The following DMD variants were observed in gnomAD, a reference collection of about 807,000 sequenced individuals.
The protein encoded by DMD is dystrophin, also known as mutant dystrophin.
DMD carries 63 observed loss-of-function variants against 330.1 expected under a neutral mutation model. The observed-to-expected ratio is 0.19, with a 90% CI of 0.16 to 0.24. The LOEUF is 0.24. DMD is among the 10% of genes least tolerant of loss of function. DMD has a pLI of 1.00. For missense variants in DMD, 3,344 were observed against 2,684.1 expected, an observed-to-expected ratio of 1.25 and a Z score of -5.43; for synonymous variants, 1,223 against 959.8, an observed-to-expected ratio of 1.27 and a Z score of -5.07.
chrX:32,844,296 C>G (rs1483729100), intron 4 of DMD, among the ~76,000 whole-genome samples: 1 of 108,758 alleles, frequency 9.2e-6, no homozygotes, highest in Admixed American at 9.9e-5. Flanking sequence ...ATCCCAGCTA[C>G]TCGGGAGGCT....
chrX:31,887,236 C>A (rs2094167749), intron 47 of DMD, among the ~76,000 whole-genome samples: 1 of 112,164 alleles, frequency 8.9e-6, no homozygotes, highest in African/African-American at 3.2e-5. Context: ...TAGGTACTGA[C>A]TGGAGCTTAC....
In DMD at chrX:33,009,604, ATATACACATATGTGTGTATGTGTG is replaced by A. The variant is rs1405855139; in HGVS notation, c.93+10511_93+10534del. On this transcript the variant is annotated intron_variant, in intron 2 of 78. Transcript: ENST00000357033. The stretch of plus-strand genomic sequence containing the variant: ...CATATGTGTGTATGTGTGTATGTGT[ATATACACATATGTGTGTATGTGTG>A]TATGTGTATATACACATATGTGTGT... Among the ~76,000 whole-genome samples, 247 of 61,769 alleles carry A rather than the reference ATATACACATATGTGTGTATGTGTG, an allele frequency of 4.0e-3. 52 individuals are homozygous for A. Among genetic ancestry groups the A allele is most frequent in the African/African-American group, 0.013 (221 of 16,622 alleles). 53.6% of individuals were successfully genotyped at this position (61,769 alleles called of 115,157 possible). A position where few individuals can be genotyped will look rare whatever the true frequency, so the allele number is the denominator to read the frequency against.
chrX:32,828,720 C>A (rs2078941155), intron 4 of DMD, among the ~76,000 whole-genome samples: 1 of 110,178 alleles, frequency 9.1e-6, no homozygotes, highest in African/African-American at 3.3e-5. Flanking sequence ...ACCTGCCTTC[C>A]TAGAAACAAT....
chrX:32,110,335 G>A (rs1371261409), intron 44 of DMD, among the ~76,000 whole-genome samples: 6 of 111,598 alleles, frequency 5.4e-5, no homozygotes, highest in Non-Finnish European at 1.1e-4. Context: ...GCAAGTTGGA[G>A]CTAAGGCTGA....
At chrX:32,583,795 C>T (rs1601884446) in intron 13 of DMD, 1 of 112,354 alleles carries the variant, frequency 8.9e-6, no homozygotes, top group East Asian at 2.9e-4. Flanking sequence ...GACATTCATC[C>T]CTTCCTCATA....
intron 52 of DMD, among the ~76,000 whole-genome samples, chrX:31,719,077 C>G (rs1369394528): frequency 8.9e-6 from 1 of 111,875 alleles, no homozygotes; most frequent in Non-Finnish European, 1.9e-5. Context: ...AAAGGTAGAA[C>G]CTGTCAAACG....
chrX:31,829,780 T>G (rs1256460804), intron 49 of DMD, among the ~76,000 whole-genome samples: 3 of 112,174 alleles, frequency 2.7e-5, no homozygotes, highest in Non-Finnish European at 3.8e-5. Flanking sequence ...ATCTACTGAA[T>G]AAATAAAGGA....
chrX:32,872,991 C>A (rs1444338883), intron 2 of DMD, among the ~76,000 whole-genome samples: 1 of 111,859 alleles, frequency 8.9e-6, no homozygotes, highest in Non-Finnish European at 1.9e-5. Context: ...GTGGCTACCA[C>A]CTCACCATCA....
At chrX:32,603,246 A>C (rs375113243) in intron 12 of DMD, among the ~76,000 whole-genome samples, 1 of 111,626 alleles carries the variant, frequency 9.0e-6, no homozygotes, top group South Asian at 3.7e-4. Context: ...ATGGAAATTA[A>C]ACAACCTGCT....
intron 2 of DMD, among the ~76,000 whole-genome samples, chrX:32,864,053 G>A (rs61157801): frequency 0.011 from 1,273 of 112,540 alleles, 21 homozygotes; most frequent in African/African-American, 0.039. Flanking sequence ...TCACTGCTAT[G>A]CTTTATTTCC....
chrX:33,117,950 C>A (rs867268880), intron 1 of DMD, among the ~76,000 whole-genome samples: 1 of 111,117 alleles, frequency 9.0e-6, no homozygotes, highest in Middle Eastern at 4.7e-3. Context: ...CATTAGAGAT[C>A]TGACTAGTCT....
In DMD at chrX:31,894,584, T is replaced by C. The variant is rs759191443; in HGVS notation, c.6913-19211A>G. On this transcript the variant is annotated intron_variant, in intron 47 of 78. Coordinates refer to ENST00000357033, the MANE Select transcript of DMD (RefSeq NM_004006.3). ...GGGGCATCTTTATAATATTTGTCAA[T>C]GAAAGGGAAAGGAACATTCCTTTGA... 3.7e-4 allele frequency among the ~76,000 whole-genome samples: 41 copies of C among 111,980 alleles called. No individual in the cohort carries two copies. In the South Asian group the frequency reaches 0.013, roughly 34 times the overall value.
At chrX:33,061,029 T>C (rs944783212) in intron 1 of DMD, among the ~76,000 whole-genome samples, 18 of 111,892 alleles carry the variant, frequency 1.6e-4, no homozygotes, top group African/African-American at 5.8e-4. Context: ...TAACAATTTG[T>C]TTTTCATTCA....
At chrX:31,259,774 G>A (rs183649051) in intron 63 of DMD, among the ~76,000 whole-genome samples, 2 of 110,926 alleles carry the variant, frequency 1.8e-5, no homozygotes, top group East Asian at 2.8e-4. Context: ...CTCTATAGCT[G>A]CAATTCATTT....
At chrX:32,994,250 G>A (rs766363108) in intron 2 of DMD, among the ~76,000 whole-genome samples, 3 of 108,133 alleles carry the variant, frequency 2.8e-5, no homozygotes, top group African/African-American at 1.0e-4. Flanking sequence ...GCTGTTTCCC[G>A]AAATGCCAAG....
chrX:31,985,682 A>T (rs1172774266), intron 44 of DMD, among the ~76,000 whole-genome samples: 1 of 112,675 alleles, frequency 8.9e-6, no homozygotes, highest in Non-Finnish European at 1.9e-5. Flanking sequence ...TCCTGACCTT[A>T]GGCATTTCAT....
In DMD at chrX:32,809,396, T is replaced by C. The variant is rs1603431994; in HGVS notation, c.649+97A>G. On this transcript the variant is annotated intron_variant, in intron 7 of 78. Transcript: ENST00000357033. ...ATCTACAGTATTGGAAAACTTAAGA[T>C]ATGTAGTTTTGTATTTTGTGTAGAA... The C allele has an allele frequency of 5.6e-6, 4 of 709,551 alleles. No individual in the cohort carries two copies. The East Asian group carries it at 1.3e-4, about 23-fold the overall frequency. 58.5% of individuals were successfully genotyped at this position (709,551 alleles called of 1,213,427 possible). A position where few individuals can be genotyped will look rare whatever the true frequency, so the allele number is the denominator to read the frequency against.
intron 7 of DMD, among the ~76,000 whole-genome samples, chrX:32,718,333 G>A (rs186352673): frequency 1.7e-3 from 192 of 110,967 alleles, no homozygotes; most frequent in African/African-American, 5.8e-3. Flanking sequence ...GTGTGAAAGC[G>A]TGTAGCATCT....
At chrX:33,000,939 TTCA>T (rs1313838983) in intron 2 of DMD, among the ~76,000 whole-genome samples, 1 of 111,436 alleles carries the variant, frequency 9.0e-6, no homozygotes, top group East Asian at 2.8e-4. Context: ...CATTCATTTC[TTCA>T]TCATTAATTA....
Sources: allele counts gnomAD v4.1 joint callset (sites outside exome capture counted in the v4.1 genomes callset), GRCh38; gene constraint gnomAD v4.1.1; transcripts MANE v1.5; gene names NCBI Gene and HGNC (gene_info 2026-07-23, HGNC 2026-07-21).